The following CDH18 variants were observed in gnomAD, a reference collection of about 807,000 sequenced individuals.
CDH18 encodes cadherin-18.
CDH18 carries 31 observed loss-of-function variants against 67.9 expected under a neutral mutation model. The ratio of observed to expected loss-of-function variants is 0.46; its 90% confidence interval spans 0.34 to 0.62. The LOEUF is 0.62. CDH18 is among the 20% of genes least tolerant of loss of function. CDH18 has a pLI of 0.01. For synonymous variants in CDH18, 362 were observed against 347.2 expected, an observed-to-expected ratio of 1.04 and a Z score of -0.48; for missense variants, 890 against 975.5, an observed-to-expected ratio of 0.91 and a Z score of 1.17.
intron 2 of CDH18, among the ~76,000 whole-genome samples, chr5:19,841,701 G>C (rs1782340352): frequency 1.3e-5 from 2 of 151,948 alleles, no homozygotes; most frequent in Admixed American, 6.6e-5. Flanking sequence ...TAACATCTTT[G>C]CCCTTCATGC....
intron 11 of CDH18, 28 bp downstream of exon 11, chr5:19,502,964 A>G: frequency 8.0e-7 from 1 of 1,255,852 alleles, no homozygotes; most frequent in East Asian, 2.3e-5. Flanking sequence ...TACCACATAG[A>G]TAAACAAATA....
chr5:20,014,892 T>C (rs766246964), intron 2 of CDH18, among the ~76,000 whole-genome samples: 1 of 152,134 alleles, frequency 6.6e-6, no homozygotes, highest in Non-Finnish European at 1.5e-5. Flanking sequence ...TAGATACTTG[T>C]CTAAATTCTG....
intron 5 of CDH18, among the ~76,000 whole-genome samples, chr5:19,613,229 A>G (rs2150114043): frequency 6.6e-6 from 1 of 152,240 alleles, no homozygotes; most frequent in Non-Finnish European, 1.5e-5. Context: ...TGAACATTTT[A>G]CAATTTGAGC....
At chr5:20,038,285 G>T (rs1373623464) in intron 2 of CDH18, among the ~76,000 whole-genome samples, 1 of 152,134 alleles carries the variant, frequency 6.6e-6, no homozygotes, top group Non-Finnish European at 1.5e-5. Context: ...AGAGGAGCTG[G>T]TACCATTCCT....
intron 3 of CDH18, among the ~76,000 whole-genome samples, chr5:19,811,946 G>A (rs1262505340): frequency 6.6e-6 from 1 of 152,110 alleles, no homozygotes; most frequent in African/African-American, 2.4e-5. Context: ...GAGGAAGAAG[G>A]GGATAGAAGC....
intron 2 of CDH18, among the ~76,000 whole-genome samples, chr5:20,221,749 C>T (rs1413865975): frequency 6.6e-6 from 1 of 152,006 alleles, no homozygotes; most frequent in African/African-American, 2.4e-5. Context: ...TATACATCTA[C>T]TATGTCCCCA....
intron 5 of CDH18, among the ~76,000 whole-genome samples, chr5:19,634,697 G>A (rs112783698): frequency 0.025 from 3,809 of 152,104 alleles, 67 homozygotes; most frequent in Non-Finnish European, 0.039. Context: ...AGCACTTTGG[G>A]AGCCTGAGGG....
At chr5:20,207,805 G>A (rs1014289071) in intron 2 of CDH18, among the ~76,000 whole-genome samples, 5 of 151,916 alleles carry the variant, frequency 3.3e-5, no homozygotes, top group Admixed American at 1.3e-4. Context: ...ATAAGCAAAC[G>A]GAAGTAACAA....
intron 2 of CDH18, among the ~76,000 whole-genome samples, chr5:19,869,199 T>C (rs1367733352): frequency 2.0e-5 from 3 of 152,288 alleles, no homozygotes; most frequent in Admixed American, 2.0e-4. Context: ...GCATTAAAAC[T>C]CAGCATTATC....
chr5:20,020,395 C>T (rs1337676647), intron 2 of CDH18, among the ~76,000 whole-genome samples: 1 of 152,088 alleles, frequency 6.6e-6, no homozygotes, highest in African/African-American at 2.4e-5. Context: ...GGGGAAAATG[C>T]CTCAAAGGCA....
Position 19,755,462 on chromosome 5 carries a change from C to CATATATATATAT in CDH18, c.229-8227_229-8226insATATATATATAT, listed in dbSNP as rs375579381. Among the ~76,000 whole-genome samples, 28 of 79,252 alleles carry CATATATATATAT rather than the reference C, an allele frequency of 3.5e-4. 1 individual carries two copies. Among genetic ancestry groups the CATATATATATAT allele is most frequent in the South Asian group, 9.5e-4 (2 of 2,096 alleles). 52.0% of individuals were successfully genotyped at this position (79,252 alleles called of 152,430 possible). On this transcript the variant is annotated intron_variant, in intron 3 of 12. Transcript: ENST00000382275. ...ATATATATATATATATATATATACA[C>CATATATATATAT]ACACACACACACATACATAGATATA...
At chr5:19,622,118 T>C (rs1044114134) in intron 5 of CDH18, among the ~76,000 whole-genome samples, 3 of 152,188 alleles carry the variant, frequency 2.0e-5, no homozygotes, top group Non-Finnish European at 4.4e-5. Context: ...TGAAAGGATG[T>C]CTGTACCTTG....
intron 1 of CDH18, among the ~76,000 whole-genome samples, chr5:20,569,403 A>C (rs1206328333): frequency 6.6e-6 from 1 of 152,136 alleles, no homozygotes; most frequent in African/African-American, 2.4e-5. Context: ...CGGGCGGATC[A>C]TGAGGTCAAG....
At chr5:20,102,491 C>T (rs754222484) in intron 2 of CDH18, among the ~76,000 whole-genome samples, 9 of 152,182 alleles carry the variant, frequency 5.9e-5, no homozygotes, top group South Asian at 2.1e-4. Flanking sequence ...TTGGATGAAG[C>T]GGTGCTAAGC....
At chr5:20,539,875 T>G (rs1756957567) in intron 1 of CDH18, among the ~76,000 whole-genome samples, 1 of 152,110 alleles carries the variant, frequency 6.6e-6, no homozygotes, top group Non-Finnish European at 1.5e-5. Flanking sequence ...GAGATTTAAC[T>G]CATACGTGAC....
At chr5:19,846,177 C>T (rs369292999) in intron 2 of CDH18, among the ~76,000 whole-genome samples, 7 of 151,982 alleles carry the variant, frequency 4.6e-5, no homozygotes, top group African/African-American at 1.4e-4. Context: ...GTGTCTTCCA[C>T]AGTATCATTT....
chr5:20,405,106 C>CA (rs1562038163), intron 1 of CDH18, among the ~76,000 whole-genome samples: 1 of 151,888 alleles, frequency 6.6e-6, no homozygotes, highest in South Asian at 2.1e-4. Context: ...CATATGGAAC[C>CA]AAAAAAGAGC....
intron 1 of CDH18, among the ~76,000 whole-genome samples, chr5:20,449,417 T>C (rs993913137): frequency 1.3e-5 from 2 of 151,970 alleles, no homozygotes; most frequent in South Asian, 4.1e-4. Flanking sequence ...AGACTAAACA[T>C]ACAAGCCCAG....
chr5:20,139,346 C>G (rs991045180), intron 2 of CDH18, among the ~76,000 whole-genome samples: 1 of 151,998 alleles, frequency 6.6e-6, no homozygotes, highest in Admixed American at 6.6e-5. Flanking sequence ...AATGTTAGAC[C>G]TAAAACCATA....
Sources: gnomAD v4.1 joint callset for allele counts (sites outside exome capture counted in the v4.1 genomes callset) on GRCh38, gnomAD v4.1.1 for gene constraint, MANE v1.5 for transcripts, NCBI Gene and HGNC (gene_info 2026-07-23, HGNC 2026-07-21) for gene names.